Variants in ANKRD24 observed in about 807,000 individuals in gnomAD.
The protein encoded by ANKRD24 is ankyrin repeat domain 24.
ANKRD24 carries 109 observed loss-of-function variants against 127.8 expected under a neutral mutation model. The ratio of observed to expected loss-of-function variants is 0.85; its 90% confidence interval spans 0.73 to 1.00. The LOEUF is 1.00. Among genes scored for constraint, ANKRD24 ranks in the 50% least tolerant of loss-of-function variants. The pLI is 0.00. For synonymous variants in ANKRD24, 743 were observed against 671.1 expected, an observed-to-expected ratio of 1.11 and a Z score of -1.66; for missense variants, 1,648 against 1,570.2, an observed-to-expected ratio of 1.05 and a Z score of -0.84.
At position 4,198,368 on chromosome 19, in the gene ANKRD24, G is replaced by GGGCGGGCT; in HGVS notation, c.37-1313_37-1312insCGGGCTGG. 2.5e-6 allele frequency: 1 copy of GGGCGGGCT among 399,872 alleles called. No individual in the cohort carries two copies. The highest frequency in any genetic ancestry group is 4.4e-6 in the Non-Finnish European group (1 of 228,288). The allele number at this position is 399,872 out of a possible 1,614,324, so 24.8% of individuals were successfully genotyped here. A position where few individuals can be genotyped will look rare whatever the true frequency, so the allele number is the denominator to read the frequency against. ...GGAGGGCGGGACCGGGCGGGCGGGCGGGGCGGGGAGCTCCGGCAGCGCCCA... is the reference window on the plus strand; with the variant it reads ...GGAGGGCGGGACCGGGCGGGCGGGCGGGCGGGCTGGGCGGGGAGCTCCGGCAGCGCCCA... On this transcript the variant is annotated intron_variant, in intron 2 of 21. Transcript: ENST00000318934. The surrounding 1 kb of genome is among the most constrained non-coding windows in gnomAD (Gnocchi z 6.1).
Position 4,210,333 on chromosome 19 carries a change from C to A in ANKRD24, c.1020C>A (p.Ile340=), listed in dbSNP as rs919768606. 1 of 1,576,822 alleles carries A rather than the reference C, an allele frequency of 6.3e-7. No homozygotes were observed. Among genetic ancestry groups the A allele is most frequent in the Admixed American group, 1.9e-5 (1 of 53,498 alleles). ...AGAGGGGCCGCCTCCTGCAGAAGATCCGGGGCCTGGAACAGCACAAGGAAC... is the reference window on the plus strand; with the variant it reads ...AGAGGGGCCGCCTCCTGCAGAAGATACGGGGCCTGGAACAGCACAAGGAAC... ...RQERGRLLQK[I]RGLEQHKERR... The change falls in exon 13 of 22, where the codon ATC becomes ATA. Residue 340 remains isoleucine, a synonymous_variant. Coordinates refer to ENST00000318934, the MANE Select transcript of ANKRD24 (RefSeq NM_001393985.1).
At chr19:4,192,500 C>A (rs565181072) in intron 2 of ANKRD24, among the ~76,000 whole-genome samples, 1 of 150,998 alleles carries the variant, frequency 6.6e-6, no homozygotes, top group Non-Finnish European at 1.5e-5. Context: ...CGTGAGCCAC[C>A]GCGCCCGGCC....
Position 4,212,668 on chromosome 19 carries a change from G to C in ANKRD24, c.1167G>C (p.Glu389Asp). The part of the protein sequence containing the change: ...EEKESLGREV[E>D]SLQSRLSLLE... Reference sequence around the variant, plus strand: ...AGGAGAGCCTGGGACGGGAGGTGGAGAGTTTGCAGAGCCGGCTGTCCCTGC... The same window carrying C: ...AGGAGAGCCTGGGACGGGAGGTGGACAGTTTGCAGAGCCGGCTGTCCCTGC... The change falls in exon 15 of 22, where the codon GAG becomes GAC. Residue 389 changes from glutamate to aspartate, a missense_variant. Physicochemically the swap from Glu to Asp is conservative, Grantham distance 45. Transcript: ENST00000318934. The C allele has an allele frequency of 6.4e-7, 1 of 1,551,136 alleles. No individual in the cohort carries two copies. The highest frequency in any genetic ancestry group is 8.7e-7 in the Non-Finnish European group (1 of 1,146,990).
At position 4,188,378 on chromosome 19, in the gene ANKRD24, ATTT is replaced by A. The variant is rs34131628; in HGVS notation, c.36+1938_36+1940del. ...AGGCATGAGCCACCACGCTTGGTCC[ATTT>A]TTTTTTTTTTTTTTTTTTTTGAGAC... On this transcript the variant is annotated intron_variant, in intron 2 of 21. Transcript: ENST00000318934. Among the ~76,000 whole-genome samples the A allele has an allele frequency of 4.4e-4, 37 of 83,600 alleles. 1 individual carries two copies. Among genetic ancestry groups the A allele is most frequent in the East Asian group, 1.3e-3 (4 of 3,094 alleles). The allele number at this position is 83,600 out of a possible 152,430, so 54.8% of individuals were successfully genotyped here.
At chr19:4,214,103 G>T (rs148602598) in intron 15 of ANKRD24, among the ~76,000 whole-genome samples, 1 of 152,018 alleles carries the variant, frequency 6.6e-6, no homozygotes, top group African/African-American at 2.4e-5. Flanking sequence ...TGCATTGCAC[G>T]TGCACCCGTC....
intron 2 of ANKRD24, among the ~76,000 whole-genome samples, chr19:4,189,174 T>C (rs1362219210): frequency 6.6e-6 from 1 of 151,964 alleles, no homozygotes; most frequent in Admixed American, 6.6e-5. Context: ...TTATTCATTT[T>C]TATTTTATTT....
chr19:4,199,740 C>A lies in ANKRD24; in HGVS notation c.94C>A (p.Pro32Thr). 6.5e-7 allele frequency: 1 copy of A among 1,538,112 alleles called. No individual in the cohort carries two copies. The highest frequency in any genetic ancestry group is 8.7e-7 in the Non-Finnish European group (1 of 1,144,652). The change falls in exon 3 of 22, where the codon CCG (proline) becomes ACG (threonine). Residue 32 changes from proline (P) to threonine (T), a missense_variant. By Grantham distance (38) the Pro-to-Thr change is conservative. Transcript: ENST00000318934. The surrounding 1 kb of genome is among the most constrained non-coding windows in gnomAD (Gnocchi z 5.2). The part of the protein sequence containing the change: ...SCPPCGPCPI[P>T]KPAARGRRQS... Reference sequence around the variant, plus strand: ...CCCGCCCTGCGGCCCCTGCCCCATCCCGAAGCCGGCAGCCAGAGGCAGGCG... The same window carrying A: ...CCCGCCCTGCGGCCCCTGCCCCATCACGAAGCCGGCAGCCAGAGGCAGGCG...
At chr19:4,218,204 G>A (rs1300674123) in intron 18 of ANKRD24, 41 bp downstream of exon 18, 3 of 1,404,958 alleles carry the variant, frequency 2.1e-6, no homozygotes, top group African/African-American at 1.5e-5. Flanking sequence ...ACCCCCATTG[G>A]CCACGTGGCG....
chr19:4,223,325 G>A (rs1970543822), intron 20 of ANKRD24, among the ~76,000 whole-genome samples: 1 of 146,070 alleles, frequency 6.8e-6, no homozygotes, highest in Non-Finnish European at 1.5e-5. Flanking sequence ...TCAAACTCCT[G>A]GCCTCAAGCA....
intron 2 of ANKRD24, among the ~76,000 whole-genome samples, chr19:4,188,684 C>T (rs1285600687): frequency 2.7e-5 from 4 of 148,432 alleles, no homozygotes; most frequent in Non-Finnish European, 6.0e-5. Context: ...CCAGCCAAGC[C>T]TGGGATAGAA....
rs1316508516 is a variant in ANKRD24 at position 4,212,517 on chromosome 19, G to A, written c.1098+4G>A. 2 of 1,557,734 alleles carry A rather than the reference G, an allele frequency of 1.3e-6. No homozygotes were observed. The highest frequency in any genetic ancestry group is 2.7e-5 in the African/African-American group (2 of 73,368). Reference sequence around the variant, plus strand: ...CCTGCACATCCTGGAGAGACAGGTAGGTGGGAAGGTGGGGAGGAGCCGGTC... The same window carrying A: ...CCTGCACATCCTGGAGAGACAGGTAAGTGGGAAGGTGGGGAGGAGCCGGTC... On this transcript the variant is annotated splice_donor_region_variant and intron_variant, in intron 14 of 21. Transcript: ENST00000318934.
intron 18 of ANKRD24, among the ~76,000 whole-genome samples, chr19:4,219,279 C>CT (rs1168908670): frequency 2.1e-5 from 3 of 140,344 alleles, no homozygotes; most frequent in Non-Finnish European, 4.8e-5. Flanking sequence ...GAGCAAGACT[C>CT]TGTCTCAAAA....
intron 2 of ANKRD24, among the ~76,000 whole-genome samples, chr19:4,194,612 C>T (rs1275508618): frequency 1.3e-5 from 2 of 152,156 alleles, no homozygotes; most frequent in African/African-American, 2.4e-5. Flanking sequence ...GCATTTTAAG[C>T]TGAGTGAGGT....
chr19:4,207,125 G>A, intron 7 of ANKRD24, 117 bp from the exon 8 acceptor site: 1 of 657,902 alleles, frequency 1.5e-6, no homozygotes, highest in Non-Finnish European at 2.6e-6. Context: ...GTCTCACTGT[G>A]TTGGCCCAGG....
Position 4,217,572 on chromosome 19 carries a change from C to T in ANKRD24, c.2412C>T (p.Arg804=). 8 of 1,308,474 alleles carry T rather than the reference C, an allele frequency of 6.1e-6. No individual in the cohort carries two copies. The highest frequency in any genetic ancestry group is 7.7e-6 in the Non-Finnish European group (8 of 1,032,880). The allele number at this position is 1,308,474 out of a possible 1,614,324, so 81.1% of individuals were successfully genotyped here. The part of the protein sequence containing the change: ...AREDLRDRDS[R]LRELEAASAC... ...AGGACCTCCGAGACCGGGACTCCCG[C>T]CTGCGGGAGCTGGAGGCGGCCTCGG... The change falls in exon 18 of 22, where the codon CGC becomes CGT. Residue 804 remains arginine, a synonymous_variant. Transcript: ENST00000318934.
rs1190941435 is a variant in ANKRD24 at position 4,195,662 on chromosome 19, C to T, written c.37-4021C>T. ...CCTGTAATCCCAACACTTTGAGAGG[C>T]CAAGGCAGGTGGATCACGAGGTCAG... On this transcript the variant is annotated intron_variant, in intron 2 of 21. Transcript: ENST00000318934. This position sits in a 1 kb window ranked among gnomAD's most constrained non-coding sequence, Gnocchi z 4.2. Among the ~76,000 whole-genome samples, 2 of 152,132 alleles carry T rather than the reference C, an allele frequency of 1.3e-5. No homozygotes were observed. Among genetic ancestry groups the T allele is most frequent in the African/African-American group, 4.8e-5 (2 of 41,440 alleles).
Position 4,224,672 on chromosome 19 carries a change from AC to A in ANKRD24, c.*171del. 1 of 667,048 alleles carries A rather than the reference AC, an allele frequency of 1.5e-6. No individual in the cohort carries two copies. The highest frequency in any genetic ancestry group is 2.6e-6 in the Non-Finnish European group (1 of 381,598). The allele number at this position is 667,048 out of a possible 1,614,324, so 41.3% of individuals were successfully genotyped here. A position where few individuals can be genotyped will look rare whatever the true frequency, so the allele number is the denominator to read the frequency against. On this transcript the variant is annotated 3_prime_UTR_variant, in exon 22 of 22. Transcript: ENST00000318934. ...CCGACCACCCCCAGCTGGCTCCATC[AC>A]CCCACCTGGTCTCTGCACGCACACA...
chr19:4,189,639 G>A (rs1379557515), intron 2 of ANKRD24, among the ~76,000 whole-genome samples: 1 of 151,856 alleles, frequency 6.6e-6, no homozygotes, highest in African/African-American at 2.4e-5. Context: ...TCCCGCTTCA[G>A]CCAAGTAGCT....
Position 4,199,007 on chromosome 19 carries a change from T to C in ANKRD24, c.37-676T>C, listed in dbSNP as rs1033704826. Among the ~76,000 whole-genome samples the C allele has an allele frequency of 6.6e-6, 1 of 152,002 alleles. No homozygotes were observed. Among genetic ancestry groups the C allele is most frequent in the Non-Finnish European group, 1.5e-5 (1 of 68,010 alleles). On this transcript the variant is annotated intron_variant, in intron 2 of 21. Transcript: ENST00000318934. The surrounding 1 kb of genome is among the most constrained non-coding windows in gnomAD (Gnocchi z 5.2). The stretch of plus-strand genomic sequence containing the variant: ...ACACTTCAGGAATTTGGGGGAGACA[T>C]TTCGTAATGCATTTCAGGCTATAGT...
Sources: allele counts gnomAD v4.1 joint callset (sites outside exome capture counted in the v4.1 genomes callset), GRCh38; gene constraint gnomAD v4.1.1; non-coding constraint Gnocchi (gnomAD v3.1); transcripts MANE v1.5; gene names NCBI Gene and HGNC (gene_info 2026-07-23, HGNC 2026-07-21).